The following HDAC11 variants were observed in gnomAD, a reference collection of about 807,000 sequenced individuals.
The protein encoded by HDAC11 is histone deacetylase 11.
HDAC11 carries 23 observed loss-of-function variants against 41.1 expected under a neutral mutation model. The ratio of observed to expected loss-of-function variants is 0.56; its 90% CI spans 0.40 to 0.79. HDAC11 has a LOEUF of 0.79. HDAC11 is among the 30% of genes least tolerant of loss of function. The pLI is 0.00. For missense variants in HDAC11, 402 were observed against 477.3 expected, an observed-to-expected ratio of 0.84 and a Z score of 1.47; for synonymous variants, 187 against 186.6, an observed-to-expected ratio of 1.00 and a Z score of -0.02.
At chr3:13,481,533 C>A in intron 2 of HDAC11, 139 bp downstream of exon 2, 2 of 936,662 alleles carry the variant, frequency 2.1e-6, no homozygotes, top group South Asian at 1.6e-5. Context: ...ATGCTTCCGC[C>A]CAAAATGATT....
intron 3 of HDAC11, among the ~76,000 whole-genome samples, chr3:13,496,245 A>G (rs1702089021): frequency 6.6e-6 from 1 of 152,356 alleles, no homozygotes; most frequent in East Asian, 1.9e-4. Context: ...CCCAATGGAC[A>G]AAGAGGCAAT....
chr3:13,503,004 T>C (rs1444625729), intron 8 of HDAC11, 24 bp downstream of exon 8: 1 of 1,563,206 alleles, frequency 6.4e-7, no homozygotes, highest in African/African-American at 1.4e-5. Flanking sequence ...CCTACCCTCA[T>C]CTTGGGTGTG....
chr3:13,499,277 C>T (rs1702246348), intron 5 of HDAC11, among the ~76,000 whole-genome samples: 1 of 152,346 alleles, frequency 6.6e-6, no homozygotes, highest in Middle Eastern at 3.4e-3. Context: ...TCAAACAATT[C>T]TCCTGCCTCA....
chr3:13,481,531 G>T (rs1034325308), intron 2 of HDAC11, 137 bp downstream of exon 2: 35 of 950,092 alleles, frequency 3.7e-5, no homozygotes, highest in Non-Finnish European at 5.2e-5. Flanking sequence ...CCATGCTTCC[G>T]CCCAAAATGA....
intron 3 of HDAC11, among the ~76,000 whole-genome samples, chr3:13,485,919 T>C (rs1348474059): frequency 1.3e-5 from 2 of 152,126 alleles, no homozygotes; most frequent in Admixed American, 6.5e-5. Flanking sequence ...GGCTTGGAGC[T>C]CCCTGGCAGT....
At chr3:13,491,729 C>T (rs548790014) in intron 3 of HDAC11, among the ~76,000 whole-genome samples, 9 of 152,364 alleles carry the variant, frequency 5.9e-5, no homozygotes, top group Non-Finnish European at 1.2e-4. Flanking sequence ...CAGAGGCTGA[C>T]GAGGTATGGG....
In HDAC11 at chr3:13,504,668, C is replaced by G. The variant is rs989373719; in HGVS notation, c.1029C>G (p.Pro343=). ...SAQNSDTPLL[P]PAVP is the part of the protein sequence containing the mutation. The stretch of plus-strand genomic sequence containing the variant: ...AGAACTCAGACACACCGCTGCTTCC[C>G]CCTGCAGTGCCCTGACCCTTGCTGC... Residue 343 remains proline (P), a synonymous_variant, in exon 10 of 10, where the codon CCC becomes CCG. Coordinates refer to ENST00000295757, the MANE Select transcript of HDAC11 (RefSeq NM_024827.4). The G allele has an allele frequency of 2.5e-6, 4 of 1,613,544 alleles. No individual in the cohort carries two copies. Among genetic ancestry groups the G allele is most frequent in the Non-Finnish European group, 3.4e-6 (4 of 1,179,898 alleles).
In HDAC11 at chr3:13,480,660, C is replaced by T. The variant is rs574562894; in HGVS notation, c.2+311C>T. 1.4e-5 allele frequency: 6 copies of T among 429,240 alleles called. No individual in the cohort carries two copies. The East Asian group carries it at 3.3e-4, about 24-fold the overall frequency. The allele number at this position is 429,240 out of a possible 1,614,324, so 26.6% of individuals were successfully genotyped here. ...CCCCCTGGCTACGCGGACGCCCCCA[C>T]GGAGGCAGCCACTGGGGCGGATTTC... On this transcript the variant is annotated intron_variant, in intron 1 of 9. Transcript: ENST00000295757. This position sits in a 1 kb window ranked among gnomAD's most constrained non-coding sequence, Gnocchi z 4.6.
chr3:13,499,971 G>A (rs992316592), intron 5 of HDAC11, among the ~76,000 whole-genome samples: 1 of 152,162 alleles, frequency 6.6e-6, no homozygotes. Context: ...AATGGGGATG[G>A]TGATGCTAAT....
intron 3 of HDAC11, among the ~76,000 whole-genome samples, chr3:13,485,542 G>A (rs1432201520): frequency 2.0e-5 from 3 of 152,208 alleles, no homozygotes; most frequent in African/African-American, 7.2e-5. Flanking sequence ...CCCATTTGAG[G>A]GGCCTTCAGG....
chr3:13,481,195 C>T, intron 1 of HDAC11, 51 bp from the exon 2 acceptor site: 2 of 1,578,044 alleles, frequency 1.3e-6, no homozygotes, highest in African/African-American at 1.3e-5. Context: ...GAGGGAGCTG[C>T]TTTCTGCCGA....
intron 3 of HDAC11, among the ~76,000 whole-genome samples, chr3:13,490,806 A>C (rs1281021184): frequency 8.3e-6 from 1 of 120,328 alleles, no homozygotes; most frequent in Non-Finnish European, 1.6e-5. Context: ...GCTGGAGTGC[A>C]GTGGCATGAT....
chr3:13,496,634 CA>C, intron 3 of HDAC11, 101 bp from the exon 4 acceptor site: 2 of 698,158 alleles, frequency 2.9e-6, no homozygotes, highest in South Asian at 3.6e-5. Flanking sequence ...CATCCAAGGG[CA>C]CCTGGAAACT....
At chr3:13,489,189 C>CT (rs1026565143) in intron 3 of HDAC11, among the ~76,000 whole-genome samples, 9 of 151,830 alleles carry the variant, frequency 5.9e-5, no homozygotes, top group African/African-American at 1.9e-4. Context: ...TGTGGGTTGT[C>CT]TTTTTTTTGA....
intron 6 of HDAC11, among the ~76,000 whole-genome samples, chr3:13,501,230 G>T (rs1338673675): frequency 6.6e-6 from 1 of 152,210 alleles, no homozygotes; most frequent in African/African-American, 2.4e-5. Context: ...GCCCACAGAG[G>T]TGAGGGCATG....
intron 3 of HDAC11, among the ~76,000 whole-genome samples, chr3:13,490,188 C>G (rs777292032): frequency 3.3e-5 from 5 of 152,002 alleles, no homozygotes; most frequent in Non-Finnish European, 7.4e-5. Flanking sequence ...GAGATGAGGT[C>G]TCACCATGTT....
chr3:13,498,482 G>T, intron 4 of HDAC11, 31 bp from the exon 5 acceptor site: 2 of 1,613,812 alleles, frequency 1.2e-6, no homozygotes, highest in Admixed American at 1.7e-5. Context: ...TCGGCTGCCT[G>T]CGCCCCCTCA....
chr3:13,487,383 A>AC (rs1339953361), intron 3 of HDAC11, among the ~76,000 whole-genome samples: 4 of 150,908 alleles, frequency 2.7e-5, no homozygotes, highest in Admixed American at 2.6e-4. Context: ...ATCCCATTCT[A>AC]CCCCCAACCC....
At position 13,483,348 on chromosome 3, in the gene HDAC11, A is replaced by G. The variant is rs558288633; in HGVS notation, c.152-116A>G. On this transcript the variant is annotated intron_variant, in intron 2 of 9. Coordinates refer to ENST00000295757, the MANE Select transcript of HDAC11 (RefSeq NM_024827.4). Reference sequence around the variant, plus strand: ...GAAGGCCCACAAGCCAGCAGTGCCTACCTACCCCTGGGGCAGGGGCTGCCA... The same window carrying G: ...GAAGGCCCACAAGCCAGCAGTGCCTGCCTACCCCTGGGGCAGGGGCTGCCA... The G allele has an allele frequency of 1.5e-4, 123 of 806,838 alleles. 1 individual carries two copies. The highest frequency in any genetic ancestry group is 2.5e-4 in the Non-Finnish European group (118 of 477,410). The allele number at this position is 806,838 out of a possible 1,614,324, so 50.0% of individuals were successfully genotyped here. A position where few individuals can be genotyped will look rare whatever the true frequency, so the allele number is the denominator to read the frequency against.
Sources: allele counts gnomAD v4.1 joint callset (sites outside exome capture counted in the v4.1 genomes callset), GRCh38; gene constraint gnomAD v4.1.1; non-coding constraint Gnocchi (gnomAD v3.1); transcripts MANE v1.5; gene names NCBI Gene and HGNC (gene_info 2026-07-23, HGNC 2026-07-21).